Variants in C10orf90 observed in about 807,000 individuals in gnomAD.
The protein encoded by C10orf90 is chromosome 10 open reading frame 90.
In C10orf90, 56 loss-of-function variants were observed where a neutral mutation model predicts 62.5. The ratio of observed to expected loss-of-function variants is 0.90; its 90% CI spans 0.72 to 1.12. C10orf90 has a LOEUF of 1.12. Ranked by LOEUF, C10orf90 falls within the 50% of genes most tolerant of loss-of-function variation. The pLI, the probability that C10orf90 is intolerant of heterozygous loss-of-function variation, is 0.00. For missense variants in C10orf90, 970 were observed against 880.4 expected (o/e 1.10, Z -1.29); for synonymous variants, 386 against 340.4 (o/e 1.13, Z -1.47).
intron 1 of C10orf90, among the ~76,000 whole-genome samples, chr10:126,667,631 T>A (rs1326888201): frequency 2.0e-5 from 3 of 152,108 alleles, no homozygotes; most frequent in Non-Finnish European, 4.4e-5. Flanking sequence ...ATAGGAGATA[T>A]GAGCACATCA....
intron 7 of C10orf90, among the ~76,000 whole-genome samples, chr10:126,445,207 G>T (rs1260375991): frequency 6.6e-6 from 1 of 152,012 alleles, no homozygotes; most frequent in Non-Finnish European, 1.5e-5. Context: ...ATGACAAAAG[G>T]AACAGTCAGC....
At chr10:126,497,583 C>A (rs1862133211) in intron 4 of C10orf90, among the ~76,000 whole-genome samples, 1 of 152,160 alleles carries the variant, frequency 6.6e-6, no homozygotes, top group Non-Finnish European at 1.5e-5. Flanking sequence ...ATGATCTTGT[C>A]CACCTCTCTA....
At chr10:126,552,958 T>C (rs1244267302) in intron 2 of C10orf90, among the ~76,000 whole-genome samples, 2 of 152,186 alleles carry the variant, frequency 1.3e-5, no homozygotes, top group African/African-American at 4.8e-5. Flanking sequence ...CTATTAGACA[T>C]CGGTTGGGGG....
At chr10:126,604,636 A>G (rs907590895) in intron 2 of C10orf90, among the ~76,000 whole-genome samples, 7 of 152,308 alleles carry the variant, frequency 4.6e-5, no homozygotes, top group Admixed American at 1.3e-4. Context: ...CAGGAGCCAT[A>G]GAGTGAGACA....
chr10:126,441,892 A>G (rs1045157778), intron 7 of C10orf90, among the ~76,000 whole-genome samples: 1 of 152,174 alleles, frequency 6.6e-6, no homozygotes, highest in Non-Finnish European at 1.5e-5. Flanking sequence ...GCTCTAAATC[A>G]TGAAACAAAT....
intron 2 of C10orf90, among the ~76,000 whole-genome samples, chr10:126,596,477 C>T (rs1371434456): frequency 2.0e-5 from 3 of 152,082 alleles, no homozygotes; most frequent in Non-Finnish European, 4.4e-5. Flanking sequence ...GTTACATACG[C>T]TTCTTCACTT....
At chr10:126,490,077 T>TATA (rs1291318384) in intron 4 of C10orf90, among the ~76,000 whole-genome samples, 1 of 122,574 alleles carries the variant, frequency 8.2e-6, no homozygotes, top group Non-Finnish European at 1.6e-5. Context: ...TAATATATAA[T>TATA]ATAATAATAA....
At chr10:126,484,921 C>T (rs1056930912) in intron 4 of C10orf90, among the ~76,000 whole-genome samples, 6 of 152,140 alleles carry the variant, frequency 3.9e-5, no homozygotes, top group Non-Finnish European at 7.4e-5. Flanking sequence ...GAAAACAGGT[C>T]ACTCTAATTC....
At chr10:126,493,312 C>G (rs2133845658) in intron 4 of C10orf90, among the ~76,000 whole-genome samples, 1 of 151,584 alleles carries the variant, frequency 6.6e-6, no homozygotes, top group African/African-American at 2.4e-5. Context: ...TGATTTTCCA[C>G]TTTCCTCTTT....
chr10:126,496,944 A>C (rs994204457), intron 4 of C10orf90, among the ~76,000 whole-genome samples: 4 of 152,238 alleles, frequency 2.6e-5, no homozygotes, highest in African/African-American at 9.6e-5. Flanking sequence ...TGCAGTGTGC[A>C]AGTATAACAA....
rs773456724 is a variant in C10orf90, at chr10:126,459,081, C to G, written c.2147G>C (p.Arg716Pro). ...AATCGTGAACTGCTTCTTGCTGGTG[C>G]GGATGGGAAGGAGGCTCTGCTTCTG... ...LRQKQSLLPIRTSKKQFTIPH... is the reference protein window; with the variant it reads ...LRQKQSLLPIPTSKKQFTIPH... The change falls in exon 7 of 10, where the codon CGC (arginine) becomes CCC (proline). Residue 716 changes from arginine (R) to proline (P), a missense_variant. Physicochemically the swap from Arg to Pro is moderately radical, Grantham distance 103. Transcript: ENST00000488181. The G allele has an allele frequency of 6.2e-7, 1 of 1,613,696 alleles. No individual in the cohort carries two copies. The highest frequency in any genetic ancestry group is 1.3e-5 in the African/African-American group (1 of 74,926).
rs147034313 is a variant in C10orf90 at position 126,499,272 on chromosome 10, C to A, written c.1534+4685G>T. Among the ~76,000 whole-genome samples the A allele has an allele frequency of 1.8e-3, 273 of 152,272 alleles. 2 individuals carry two copies. Among genetic ancestry groups the A allele is most frequent in the African/African-American group, 6.3e-3 (262 of 41,548 alleles). On this transcript the variant is annotated intron_variant, in intron 4 of 9. Coordinates refer to ENST00000488181, the MANE Select transcript of C10orf90 (RefSeq NM_001350921.2). ...CAGGCCCCATCTCCACTGCCACTAT[C>A]AAAGGTGGTATCTGAACACTGTTGC... is the stretch of plus-strand genomic sequence containing the variant.
chr10:126,611,473 A>G (rs1476805319), intron 2 of C10orf90, among the ~76,000 whole-genome samples: 1 of 152,158 alleles, frequency 6.6e-6, no homozygotes, highest in Non-Finnish European at 1.5e-5. Flanking sequence ...TTTGTGTACA[A>G]GTTTTATGTG....
intron 2 of C10orf90, among the ~76,000 whole-genome samples, chr10:126,639,348 C>T (rs1040169276): frequency 2.0e-5 from 3 of 152,294 alleles, no homozygotes; most frequent in South Asian, 2.1e-4. Context: ...GGCCTCTTAA[C>T]GATATCTCCC....
At chr10:126,547,696 G>A (rs1325338620) in intron 2 of C10orf90, among the ~76,000 whole-genome samples, 1 of 151,962 alleles carries the variant, frequency 6.6e-6, no homozygotes, top group African/African-American at 2.4e-5. Flanking sequence ...CTGTAAGAGG[G>A]TCAAATGAAA....
chr10:126,514,032 C>T, intron 2 of C10orf90, 93 bp from the exon 3 acceptor site: 1 of 849,346 alleles, frequency 1.2e-6, no homozygotes, highest in Admixed American at 2.3e-5. Context: ...GTCACCTACT[C>T]ACATATTCTA....
At position 126,456,751 on chromosome 10, in the gene C10orf90, G is replaced by A. The variant is rs1859609042; in HGVS notation, c.2188+2289C>T. Among the ~76,000 whole-genome samples the A allele has an allele frequency of 6.6e-6, 1 of 152,128 alleles. No individual in the cohort carries two copies. The highest frequency in any genetic ancestry group is 1.5e-5 in the Non-Finnish European group (1 of 68,028). On this transcript the variant is annotated intron_variant, in intron 7 of 9. Coordinates refer to ENST00000488181, the MANE Select transcript of C10orf90 (RefSeq NM_001350921.2). The surrounding 1 kb of genome is among the most constrained non-coding windows in gnomAD (Gnocchi z 4.9). ...AAGGAAATTTGAACATAGAGACACA[G>A]ACGCAGGGAGGATGGCCATGTGGAG...
chr10:126,522,020 G>A (rs1160959958), intron 2 of C10orf90, among the ~76,000 whole-genome samples: 1 of 152,222 alleles, frequency 6.6e-6, no homozygotes, highest in Non-Finnish European at 1.5e-5. Flanking sequence ...TGTAATCCCA[G>A]CACTTTGGGA....
At chr10:126,557,964 C>T (rs1162641275) in intron 2 of C10orf90, among the ~76,000 whole-genome samples, 5 of 152,048 alleles carry the variant, frequency 3.3e-5, no homozygotes, top group African/African-American at 1.2e-4. Context: ...TGGAAGCATT[C>T]GCCAGTCCAC....
Sources: allele counts gnomAD v4.1 joint callset (sites outside exome capture counted in the v4.1 genomes callset), GRCh38; gene constraint gnomAD v4.1.1; non-coding constraint Gnocchi (gnomAD v3.1); transcripts MANE v1.5; gene names NCBI Gene and HGNC (gene_info 2026-07-23, HGNC 2026-07-21).